PGCKA1: variants seen among roughly 807,000 people sequenced by gnomAD.
PGCKA1 encodes PDCD10 and GCKIII kinases-associated protein 1.
the PGCKA1 span, among the ~76,000 whole-genome samples, chr4:37,466,528 T>A: frequency 6.6e-6 from 1 of 152,188 alleles, no homozygotes; most frequent in African/African-American, 2.4e-5. Context: ...CATCCCTGGC[T>A]GCTGTGTAGG....
the PGCKA1 span, among the ~76,000 whole-genome samples, chr4:37,524,788 C>T: frequency 2.6e-5 from 4 of 152,198 alleles, no homozygotes; most frequent in Non-Finnish European, 5.9e-5. Context: ...TAGACACCCT[C>T]ATCCCAAGTG....
the PGCKA1 span, among the ~76,000 whole-genome samples, chr4:37,574,959 C>T: frequency 6.6e-6 from 1 of 152,136 alleles, no homozygotes; most frequent in South Asian, 2.1e-4. Context: ...TTTTTCATGG[C>T]TGAATAGTTC....
chr4:37,588,938 T>G, the PGCKA1 span: 1 of 1,535,624 alleles, frequency 6.5e-7, no homozygotes, highest in Non-Finnish European at 9.0e-7. Flanking sequence ...TGGAGGAATT[T>G]GTGATGAGCG....
the PGCKA1 span, among the ~76,000 whole-genome samples, chr4:37,527,818 G>A: frequency 0.5 from 74,881 of 150,034 alleles, 19,474 homozygotes; most frequent in African/African-American, 0.63. Flanking sequence ...GACAGAGCAA[G>A]ACTCCGTCTC....
chr4:37,564,419 C>G, the PGCKA1 span, among the ~76,000 whole-genome samples: 1 of 152,140 alleles, frequency 6.6e-6, no homozygotes, highest in Non-Finnish European at 1.5e-5. Flanking sequence ...TCATGTGATC[C>G]TCATAGGACC....
the PGCKA1 span, among the ~76,000 whole-genome samples, chr4:37,538,265 A>G: frequency 1.3e-5 from 2 of 151,976 alleles, no homozygotes; most frequent in Non-Finnish European, 2.9e-5. Flanking sequence ...GCTTCATTCC[A>G]CCCTCACCTG....
At chr4:37,584,364 A>C in the PGCKA1 span, 1 of 152,282 alleles carries the variant, frequency 6.6e-6, no homozygotes, top group Admixed American at 6.5e-5. Context: ...CAAGCTCCGG[A>C]GAGGCGCGGA....
the PGCKA1 span, among the ~76,000 whole-genome samples, chr4:37,535,025 A>G: frequency 6.6e-6 from 1 of 152,208 alleles, no homozygotes; most frequent in Non-Finnish European, 1.5e-5. Context: ...ACTCTTGTCT[A>G]AGAGGTGCAA....
the PGCKA1 span, among the ~76,000 whole-genome samples, chr4:37,521,348 T>C: frequency 2.0e-5 from 3 of 152,320 alleles, no homozygotes; most frequent in African/African-American, 7.2e-5. Context: ...GATGGCACCT[T>C]TGAACCCACC....
chr4:37,556,102 G>A, the PGCKA1 span, among the ~76,000 whole-genome samples: 57 of 152,242 alleles, frequency 3.7e-4, no homozygotes, highest in East Asian at 0.011. Flanking sequence ...GCATAGCATA[G>A]GGCTTGTCAC....
the PGCKA1 span, among the ~76,000 whole-genome samples, chr4:37,478,137 A>C: frequency 1.7e-5 from 2 of 115,980 alleles, no homozygotes; most frequent in Middle Eastern, 4.3e-3. Flanking sequence ...TTTTATTTTA[A>C]AAACACCCCC....
At chr4:37,491,338 C>A in the PGCKA1 span, among the ~76,000 whole-genome samples, 2 of 152,146 alleles carry the variant, frequency 1.3e-5, no homozygotes, top group African/African-American at 4.8e-5. Context: ...ATCTCGATTT[C>A]AATTAGAAAA....
the PGCKA1 span, among the ~76,000 whole-genome samples, chr4:37,482,603 A>G: frequency 1.3e-5 from 2 of 152,186 alleles, no homozygotes; most frequent in Admixed American, 1.3e-4. Context: ...CTGGGGAGAA[A>G]GTCAAGCCAG....
chr4:37,484,477 G>A, the PGCKA1 span, among the ~76,000 whole-genome samples: 24 of 152,284 alleles, frequency 1.6e-4, 1 homozygote, highest in South Asian at 4.8e-3. Flanking sequence ...TTCAAGATGA[G>A]ATTTGGGTGA....
At chr4:37,556,013 C>G in the PGCKA1 span, among the ~76,000 whole-genome samples, 94 of 152,300 alleles carry the variant, frequency 6.2e-4, no homozygotes, top group African/African-American at 2.2e-3. Flanking sequence ...GCATCCCACC[C>G]TATTCTTTCC....
chr4:37,481,276 A>G, the PGCKA1 span, among the ~76,000 whole-genome samples: 3 of 151,692 alleles, frequency 2.0e-5, no homozygotes, highest in Non-Finnish European at 4.4e-5. Context: ...CCTGGCCAAC[A>G]TTGTGAAACC....
chr4:37,571,358 T>A, the PGCKA1 span, among the ~76,000 whole-genome samples: 18,141 of 108,144 alleles, frequency 0.17, 1,900 homozygotes, highest in Non-Finnish European at 0.22. Flanking sequence ...TATTATCCTT[T>A]TTTTTTTTTT....
chr4:37,571,097 T>C, the PGCKA1 span, among the ~76,000 whole-genome samples: 4 of 152,178 alleles, frequency 2.6e-5, no homozygotes, highest in Non-Finnish European at 5.9e-5. Context: ...AGCTAGATGC[T>C]GGTTGGATTA....
chr4:37,503,032 C>T, the PGCKA1 span, among the ~76,000 whole-genome samples: 1 of 152,108 alleles, frequency 6.6e-6, no homozygotes, highest in Non-Finnish European at 1.5e-5. Flanking sequence ...AATGGGCGTC[C>T]CTGGCCATAC....
Sources: allele counts gnomAD v4.1 joint callset (sites outside exome capture counted in the v4.1 genomes callset), GRCh38; gene constraint gnomAD v4.1.1; transcripts MANE v1.5; gene names NCBI Gene and HGNC (gene_info 2026-07-23, HGNC 2026-07-21).